CSMD1: variants seen among roughly 807,000 people sequenced by gnomAD.
CSMD1 encodes CUB and Sushi multiple domains 1.
Under a neutral mutation model 417.5 loss-of-function variants are expected in CSMD1, and 213 were observed. The observed-to-expected ratio is 0.51, with a 90% confidence interval of 0.46 to 0.57. CSMD1 has a LOEUF of 0.57. Ranked by LOEUF, CSMD1 falls within the 20% of genes least tolerant of loss-of-function variation. The pLI is 0.00. For synonymous variants in CSMD1, 2,862 were observed against 1,736.8 expected (o/e 1.65, Z -16.11); for missense variants, 6,923 against 4,529.7 (o/e 1.53, Z -15.17).
At chr8:4,356,225 G>C (rs1385251970) in intron 3 of CSMD1, among the ~76,000 whole-genome samples, 1 of 152,070 alleles carries the variant, frequency 6.6e-6, no homozygotes, top group Non-Finnish European at 1.5e-5. Context: ...CCATTCCTGA[G>C]TTACTTCACT....
intron 2 of CSMD1, among the ~76,000 whole-genome samples, chr8:4,473,405 G>T (rs1003276014): frequency 6.6e-6 from 1 of 152,182 alleles, no homozygotes; most frequent in African/African-American, 2.4e-5. Context: ...ATTGTAGGTA[G>T]TCTTTAATCC....
At chr8:3,695,499 C>T (rs762581698) in intron 7 of CSMD1, among the ~76,000 whole-genome samples, 5 of 151,952 alleles carry the variant, frequency 3.3e-5, no homozygotes, top group Non-Finnish European at 5.9e-5. Flanking sequence ...TGATAATTAG[C>T]GTTTATCACA....
intron 2 of CSMD1, among the ~76,000 whole-genome samples, chr8:4,543,261 T>C (rs1422447243): frequency 6.6e-6 from 1 of 152,144 alleles, no homozygotes. Context: ...TCTGACGGTG[T>C]GGACTGCCCT....
At chr8:3,366,505 A>G (rs1809574859) in intron 20 of CSMD1, among the ~76,000 whole-genome samples, 1 of 152,236 alleles carries the variant, frequency 6.6e-6, no homozygotes, top group Non-Finnish European at 1.5e-5. Flanking sequence ...ATTAAAAATA[A>G]AGATGTTACC....
chr8:4,099,402 C>G (rs1489506040), intron 3 of CSMD1, among the ~76,000 whole-genome samples: 2 of 152,136 alleles, frequency 1.3e-5, no homozygotes, highest in African/African-American at 4.8e-5. Context: ...TTACCTGAAG[C>G]TGCTTTCTAA....
chr8:4,550,596 G>A (rs982416448), intron 2 of CSMD1, among the ~76,000 whole-genome samples: 1 of 152,088 alleles, frequency 6.6e-6, no homozygotes, highest in Non-Finnish European at 1.5e-5. Flanking sequence ...ACAAAAGCAG[G>A]TGATTTTTAA....
intron 4 of CSMD1, among the ~76,000 whole-genome samples, chr8:4,001,807 C>A (rs1815695883): frequency 6.6e-6 from 1 of 151,660 alleles, no homozygotes; most frequent in African/African-American, 2.4e-5. Flanking sequence ...TTAAGGGTAA[C>A]TTTGTTGGGA....
intron 12 of CSMD1, among the ~76,000 whole-genome samples, chr8:3,460,921 G>A (rs1816460388): frequency 6.6e-6 from 1 of 152,140 alleles, no homozygotes; most frequent in Non-Finnish European, 1.5e-5. Flanking sequence ...GTGGTCCCAA[G>A]AATAGAAGGG....
intron 1 of CSMD1, among the ~76,000 whole-genome samples, chr8:4,673,497 G>C (rs912947738): frequency 6.6e-6 from 1 of 152,196 alleles, no homozygotes; most frequent in East Asian, 1.9e-4. Context: ...TGATTGCTAT[G>C]TGTTTTGTTG....
At chr8:3,481,478 C>G (rs1256978941) in intron 11 of CSMD1, among the ~76,000 whole-genome samples, 1 of 152,124 alleles carries the variant, frequency 6.6e-6, no homozygotes, top group Non-Finnish European at 1.5e-5. Context: ...TAAATGTTCG[C>G]ATTAGTTGTA....
chr8:3,710,854 A>C (rs997244610), intron 6 of CSMD1, among the ~76,000 whole-genome samples: 13 of 152,096 alleles, frequency 8.5e-5, no homozygotes, highest in Non-Finnish European at 1.5e-4. Flanking sequence ...TCCAGCCCCA[A>C]ACTCCAAACC....
rs189825610 is a variant in CSMD1, at chr8:3,397,038, C to T, written c.2406-657G>A. 1.8e-3 allele frequency among the ~76,000 whole-genome samples: 279 copies of T among 152,160 alleles called. 1 individual carries two copies. The highest frequency in any genetic ancestry group is 6.3e-3 in the African/African-American group (260 of 41,516). On this transcript the variant is annotated intron_variant, in intron 16 of 69. Transcript: ENST00000635120. ...ACTGCTTAAGTTTTCTTATGCTTCC[C>T]GAGAATCTAGCCTGAGATTTTATAT...
intron 37 of CSMD1, among the ~76,000 whole-genome samples, chr8:3,163,547 C>T (rs999126437): frequency 6.6e-6 from 1 of 151,868 alleles, no homozygotes; most frequent in Non-Finnish European, 1.5e-5. Context: ...GCCCTGAAGC[C>T]AGTCAGCTTT....
intron 5 of CSMD1, among the ~76,000 whole-genome samples, chr8:3,879,345 A>C (rs571235374): frequency 1.3e-5 from 2 of 151,512 alleles, no homozygotes; most frequent in East Asian, 3.9e-4. Context: ...ATTATTATTC[A>C]TTAGAATCAT....
intron 49 of CSMD1, among the ~76,000 whole-genome samples, chr8:3,070,174 T>A (rs959225301): frequency 6.6e-6 from 1 of 152,226 alleles, no homozygotes; most frequent in African/African-American, 2.4e-5. Flanking sequence ...GGGTCTGCCA[T>A]AAAGGTCTCT....
chr8:4,778,127 T>C (rs764519995), intron 1 of CSMD1, among the ~76,000 whole-genome samples: 13 of 152,182 alleles, frequency 8.5e-5, no homozygotes, highest in Non-Finnish European at 1.8e-4. Context: ...ATACAGTTTA[T>C]GTATAAATTA....
rs145956939 is a variant in CSMD1 at position 3,708,079 on chromosome 8, C to G, written c.1009+335G>C. ...TCTCCTTTGCAGAGATCAGTCTGGT[C>G]TGGTGTGTGTGGGGTGTGCAAGGAC... On this transcript the variant is annotated intron_variant, in intron 7 of 69. Coordinates refer to ENST00000635120, the MANE Select transcript of CSMD1 (RefSeq NM_033225.6). Among the ~76,000 whole-genome samples the G allele has an allele frequency of 4.6e-3, 704 of 152,238 alleles. 6 individuals carry two copies. Among genetic ancestry groups the G allele is most frequent in the African/African-American group, 0.016 (668 of 41,530 alleles).
chr8:3,672,053 G>T (rs1346320166), intron 7 of CSMD1, among the ~76,000 whole-genome samples: 1 of 152,136 alleles, frequency 6.6e-6, no homozygotes, highest in African/African-American at 2.4e-5. Flanking sequence ...AATTAACAAA[G>T]TCAACATCTT....
chr8:4,395,077 C>T (rs1309081204), intron 3 of CSMD1, among the ~76,000 whole-genome samples: 1 of 152,156 alleles, frequency 6.6e-6, no homozygotes, highest in Non-Finnish European at 1.5e-5. Context: ...GGTGTCCTGG[C>T]ACCTCCTGCA....
Sources: gnomAD v4.1 joint callset for allele counts (sites outside exome capture counted in the v4.1 genomes callset) on GRCh38, gnomAD v4.1.1 for gene constraint, MANE v1.5 for transcripts, NCBI Gene and HGNC (gene_info 2026-07-23, HGNC 2026-07-21) for gene names.